TOX3: variants seen among roughly 807,000 people sequenced by gnomAD.
The protein encoded by TOX3 is CAG trinucleotide repeat-containing gene F9 protein.
TOX3 carries 22 observed loss-of-function variants against 64.3 expected under a neutral mutation model. That is an observed-to-expected ratio of 0.34 (90% CI 0.24 to 0.49). The LOEUF (loss-of-function observed/expected upper bound fraction) is 0.49. TOX3 is among the 20% of genes least tolerant of loss of function. TOX3 has a pLI of 0.99. For missense variants in TOX3, 661 were observed against 714.4 expected, an observed-to-expected ratio of 0.93 and a Z score of 0.85; for synonymous variants, 291 against 273.6, an observed-to-expected ratio of 1.06 and a Z score of -0.63.
intron 1 of TOX3, among the ~76,000 whole-genome samples, 156 bp downstream of exon 1, chr16:52,546,481 G>A (rs927302512): frequency 7.9e-5 from 12 of 152,154 alleles, no homozygotes; most frequent in Admixed American, 3.3e-4. Context: ...AAAGAGAAGC[G>A]GGGAGAGCTG....
chr16:52,444,357 C>T lies in TOX3; in HGVS notation c.907-1G>A. The T allele has an allele frequency of 1.9e-6, 3 of 1,564,334 alleles. No homozygotes were observed. The highest frequency in any genetic ancestry group is 2.6e-6 in the Non-Finnish European group (3 of 1,150,394). On this transcript the variant is annotated splice_acceptor_variant, in intron 5 of 6. Transcript: ENST00000219746. LOFTEE classifies it high-confidence loss of function. ...CAGCTTCTGTTTTCCTTTTATATAC[C>T]TATTAAAAGACCACAATTAGCACCA...
intron 1 of TOX3, among the ~76,000 whole-genome samples, chr16:52,541,882 A>G (rs1475116831): frequency 2.0e-5 from 3 of 152,214 alleles, no homozygotes; most frequent in Non-Finnish European, 4.4e-5. Flanking sequence ...CCACACACTT[A>G]GAACTGCAAG....
chr16:52,470,045 G>A (rs1032647379), intron 1 of TOX3, among the ~76,000 whole-genome samples: 6 of 152,134 alleles, frequency 3.9e-5, no homozygotes, highest in South Asian at 2.1e-4. Flanking sequence ...ATGAATTGGC[G>A]CTTAAGAAAG....
intron 3 of TOX3, among the ~76,000 whole-genome samples, chr16:52,461,892 G>A (rs1032234714): frequency 1.5e-4 from 23 of 152,186 alleles, no homozygotes; most frequent in Admixed American, 7.9e-4. Context: ...CATGCCTCTG[G>A]CGATTCTGAA....
chr16:52,529,509 G>C (rs571567163), intron 1 of TOX3, among the ~76,000 whole-genome samples: 1 of 152,154 alleles, frequency 6.6e-6, no homozygotes, highest in Non-Finnish European at 1.5e-5. Flanking sequence ...ACTTTTAAAA[G>C]CATATGTGAT....
chr16:52,451,025 G>A (rs931808680), intron 3 of TOX3, among the ~76,000 whole-genome samples: 2 of 152,182 alleles, frequency 1.3e-5, no homozygotes, highest in Non-Finnish European at 2.9e-5. Flanking sequence ...GAGAGAAGGC[G>A]AAGCCATTCT....
rs756606995 is a variant in TOX3 at position 52,439,199 on chromosome 16, C to A, written c.*26G>T. The A allele has an allele frequency of 1.9e-6, 3 of 1,613,394 alleles. No individual in the cohort carries two copies. Among genetic ancestry groups the A allele is most frequent in the African/African-American group, 2.7e-5 (2 of 74,888 alleles). On this transcript the variant is annotated 3_prime_UTR_variant, in exon 7 of 7. Coordinates refer to ENST00000219746, the MANE Select transcript of TOX3 (RefSeq NM_001080430.4). ...CTCCTATGCCACTCTCCTTGGTATA[C>A]GCAAATCCGTCTGCCATATGCGTCT...
chr16:52,444,463 G>T (rs1960104581), intron 5 of TOX3, 107 bp from the exon 6 acceptor site: 11 of 811,286 alleles, frequency 1.4e-5, no homozygotes, highest in East Asian at 3.3e-5. Flanking sequence ...TAAAAAGGTT[G>T]GTCTCCTTGG....
At chr16:52,514,318 T>C (rs1225387228) in intron 1 of TOX3, among the ~76,000 whole-genome samples, 1 of 152,186 alleles carries the variant, frequency 6.6e-6, no homozygotes, top group Non-Finnish European at 1.5e-5. Context: ...AAATAGACAC[T>C]TTTTTGTTTC....
At chr16:52,539,438 C>T (rs1353231251) in intron 1 of TOX3, among the ~76,000 whole-genome samples, 1 of 152,216 alleles carries the variant, frequency 6.6e-6, no homozygotes, top group Non-Finnish European at 1.5e-5. Flanking sequence ...CATAAGCACA[C>T]ATTCCTTGTT....
In TOX3 at chr16:52,446,036, A is replaced by C; in HGVS notation, c.864T>G (p.Ile288Met). 6.2e-7 allele frequency: 1 copy of C among 1,613,928 alleles called. No individual in the cohort carries two copies. The highest frequency in any genetic ancestry group is 1.1e-5 in the South Asian group (1 of 91,082). Reference sequence around the variant, plus strand: ...CAAGGCTGTCCCACATAGATGCTACAATTTTTGAGACCTCTCCAAAGGTTG... The same window carrying C: ...CAAGGCTGTCCCACATAGATGCTACCATTTTTGAGACCTCTCCAAAGGTTG... The part of the protein sequence containing the change: ...PNATFGEVSK[I>M]VASMWDSLGE... The change falls in exon 5 of 7, where the codon ATT becomes ATG. Residue 288 changes from isoleucine to methionine, a missense_variant. Ile to Met is a conservative substitution (Grantham distance 10, BLOSUM62 1). Around this residue, in one of 3 missense-constraint regions of TOX3, gnomAD observed 103 missense variants for 161.2 expected, o/e 0.64. Transcript: ENST00000219746.
intron 1 of TOX3, among the ~76,000 whole-genome samples, chr16:52,523,366 G>T (rs766894950): frequency 6.6e-6 from 1 of 152,138 alleles, no homozygotes; most frequent in African/African-American, 2.4e-5. Flanking sequence ...ACTGAGTTAA[G>T]ACCAGGCTTT....
intron 1 of TOX3, among the ~76,000 whole-genome samples, chr16:52,540,182 C>A (rs915088020): frequency 1.3e-5 from 2 of 151,904 alleles, no homozygotes; most frequent in Non-Finnish European, 1.5e-5. Flanking sequence ...GAGTTCAAGA[C>A]CAACCCTGGT....
chr16:52,513,769 A>G (rs917875644), intron 1 of TOX3, among the ~76,000 whole-genome samples: 1 of 152,228 alleles, frequency 6.6e-6, no homozygotes, highest in Non-Finnish European at 1.5e-5. Flanking sequence ...TATTTGACTC[A>G]TTAAAAATAA....
intron 1 of TOX3, among the ~76,000 whole-genome samples, chr16:52,530,045 C>A (rs531091257): frequency 6.6e-6 from 1 of 152,150 alleles, no homozygotes; most frequent in Admixed American, 6.5e-5. Flanking sequence ...TCTGGATGAA[C>A]GGAAGGAAGC....
chr16:52,525,359 C>T (rs950761854), intron 1 of TOX3, among the ~76,000 whole-genome samples: 1 of 152,090 alleles, frequency 6.6e-6, no homozygotes, highest in African/African-American at 2.4e-5. Flanking sequence ...GGAGTGCCTA[C>T]CTAAATTACT....
intron 1 of TOX3, among the ~76,000 whole-genome samples, chr16:52,543,638 T>C (rs774733531): frequency 3.1e-4 from 47 of 152,174 alleles, no homozygotes; most frequent in Non-Finnish European, 3.5e-4. Context: ...GAAATTAAAA[T>C]GGAAATTAGC....
chr16:52,519,590 GA>G (rs1009296956), intron 1 of TOX3: 599 of 1,229,252 alleles, frequency 4.9e-4, no homozygotes, highest in South Asian at 1.2e-3. Flanking sequence ...CTGAGCAGAC[GA>G]AAAAAAAAAC....
intron 1 of TOX3, among the ~76,000 whole-genome samples, chr16:52,540,809 T>C (rs969203050): frequency 3.3e-5 from 5 of 152,132 alleles, no homozygotes; most frequent in African/African-American, 1.2e-4. Context: ...GGAAGACTGA[T>C]AAAACTCCAA....
Sources: allele counts gnomAD v4.1 joint callset (sites outside exome capture counted in the v4.1 genomes callset), GRCh38; gene constraint gnomAD v4.1.1; regional missense constraint gnomAD v4.1.1; transcripts MANE v1.5; gene names NCBI Gene and HGNC (gene_info 2026-07-23, HGNC 2026-07-21).